Variants in SERPINB12 observed in about 807,000 individuals in gnomAD.
SERPINB12 encodes serpin family B member 12.
Under a neutral mutation model 41.1 loss-of-function variants are expected in SERPINB12, and 57 were observed. That is an observed-to-expected ratio of 1.39 (90% confidence interval 1.12 to 1.73). The LOEUF (loss-of-function observed/expected upper bound fraction) is 1.73. Among genes scored for constraint, SERPINB12 ranks in the 40% most tolerant of loss-of-function variants. SERPINB12 has a pLI of 0.00. For missense variants in SERPINB12, 536 were observed against 501.9 expected, an observed-to-expected ratio of 1.07 and a Z score of -0.65; for synonymous variants, 180 against 181.3, an observed-to-expected ratio of 0.99 and a Z score of 0.06.
chr18:63,521,919 A>C, the SERPINB12 span, among the ~76,000 whole-genome samples: 1 of 152,232 alleles, frequency 6.6e-6, no homozygotes, highest in African/African-American at 2.4e-5. Context: ...GGAGGAAAGT[A>C]AGATAATTCA....
intron 2 of SERPINB12, 95 bp from the exon 3 acceptor site, chr18:63,558,257 A>G: frequency 7.6e-7 from 1 of 1,324,114 alleles, no homozygotes; most frequent in Non-Finnish European, 1.0e-6. Flanking sequence ...TGACTATGTA[A>G]TCATTGCCAT....
At chr18:63,538,438 A>G (rs1170601265), upstream of SERPINB12, among the ~76,000 whole-genome samples, 1 of 152,172 alleles carries the variant, frequency 6.6e-6, no homozygotes, top group Non-Finnish European at 1.5e-5. Flanking sequence ...ATGAGATTGT[A>G]AAATATGTGG....
At chr18:63,565,323 T>A in intron 6 of SERPINB12, 122 bp from the exon 7 acceptor site, 1 of 866,936 alleles carries the variant, frequency 1.2e-6, no homozygotes, top group South Asian at 1.8e-5. Context: ...CTGGTGTGGC[T>A]CAGGACTTCT....
intron 1 of SERPINB12, among the ~76,000 whole-genome samples, chr18:63,547,677 T>A (rs1699445681): frequency 1.3e-5 from 2 of 152,148 alleles, no homozygotes; most frequent in South Asian, 4.1e-4. Flanking sequence ...AACCTTTACA[T>A]TTTTACTATA....
the SERPINB12 span, among the ~76,000 whole-genome samples, chr18:63,524,492 G>A: frequency 6.6e-6 from 1 of 152,152 alleles, no homozygotes; most frequent in Admixed American, 6.5e-5. Flanking sequence ...GTTCCACCAC[G>A]TTGGCCAGGC....
intron 4 of SERPINB12, 98 bp from the exon 5 acceptor site, chr18:63,560,987 A>G: frequency 1.3e-6 from 1 of 770,200 alleles, no homozygotes; most frequent in Non-Finnish European, 2.2e-6. Context: ...GACCAGGCTC[A>G]TCTTTCTTGG....
the SERPINB12 span, among the ~76,000 whole-genome samples, chr18:63,530,575 GT>G: frequency 6.6e-6 from 1 of 152,160 alleles, no homozygotes; most frequent in Non-Finnish European, 1.5e-5. Flanking sequence ...TGAAAGTCAG[GT>G]GGCTGTCCCA....
the SERPINB12 span, among the ~76,000 whole-genome samples, chr18:63,519,754 C>G: frequency 1.3e-5 from 2 of 152,106 alleles, no homozygotes; most frequent in Admixed American, 6.5e-5. Context: ...TTCTAGGAGT[C>G]CTAAAAATTT....
At chr18:63,550,494 A>T (rs901298741) in intron 1 of SERPINB12, among the ~76,000 whole-genome samples, 1 of 152,240 alleles carries the variant, frequency 6.6e-6, no homozygotes, top group Non-Finnish European at 1.5e-5. Context: ...TCTACAATAC[A>T]TTTTAAAATT....
the SERPINB12 span, among the ~76,000 whole-genome samples, chr18:63,535,241 T>C: frequency 0.045 from 6,863 of 152,198 alleles, 515 homozygotes; most frequent in African/African-American, 0.16. Context: ...CAAAATATCT[T>C]CCTCCTTCGT....
At chr18:63,527,198 G>A in the SERPINB12 span, among the ~76,000 whole-genome samples, 1 of 152,274 alleles carries the variant, frequency 6.6e-6, no homozygotes, top group South Asian at 2.1e-4. Flanking sequence ...TGGTTTGCTT[G>A]ACTAGTCAAT....
intron 1 of SERPINB12, among the ~76,000 whole-genome samples, chr18:63,548,254 TA>T (rs1249172292): frequency 6.6e-6 from 1 of 151,862 alleles, no homozygotes; most frequent in Non-Finnish European, 1.5e-5. Flanking sequence ...TCAAACACCA[TA>T]AAAATGGAAA....
chr18:63,551,692 A>C (rs144643592), intron 1 of SERPINB12, among the ~76,000 whole-genome samples: 86 of 152,346 alleles, frequency 5.6e-4, no homozygotes, highest in African/African-American at 2.1e-3. Context: ...TATTTTAAAA[A>C]AATTCTTAAG....
At chr18:63,539,686 T>A (rs1910237791), upstream of SERPINB12, among the ~76,000 whole-genome samples, 1 of 151,890 alleles carries the variant, frequency 6.6e-6, no homozygotes, top group African/African-American at 2.4e-5. Flanking sequence ...CATGGTGGGG[T>A]TTGTCTAAAA....
At position 63,567,749 on chromosome 18, in the gene SERPINB12, C is replaced by CT. The variant is rs1223624889; in HGVS notation, c.*738_*739insT. 6.6e-6 allele frequency among the ~76,000 whole-genome samples: 1 copy of CT among 152,238 alleles called. No homozygotes were observed. The highest frequency in any genetic ancestry group is 2.4e-5 in the African/African-American group (1 of 41,466). On this transcript the variant is annotated 3_prime_UTR_variant, in exon 8 of 8. Coordinates refer to ENST00000382768, the MANE Select transcript of SERPINB12 (RefSeq NM_001307928.2). Reference sequence around the variant, plus strand: ...CAGTTTTCCTTATTGAGTCCCCCAACATTATCATCAAACACTTCCCTCTGT... The same window carrying CT: ...CAGTTTTCCTTATTGAGTCCCCCAACTATTATCATCAAACACTTCCCTCTGT...
chr18:63,546,052 G>T (rs1910380073), intron 1 of SERPINB12, among the ~76,000 whole-genome samples: 1 of 152,082 alleles, frequency 6.6e-6, no homozygotes, highest in African/African-American at 2.4e-5. Context: ...AGCTACATAA[G>T]TAGTTTATAT....
the SERPINB12 span, among the ~76,000 whole-genome samples, chr18:63,520,918 A>G: frequency 6.6e-6 from 1 of 152,274 alleles, no homozygotes; most frequent in South Asian, 2.1e-4. Context: ...GAATATGTGC[A>G]TCATAGTAAA....
the SERPINB12 span, among the ~76,000 whole-genome samples, chr18:63,529,226 C>T: frequency 6.6e-6 from 1 of 152,126 alleles, no homozygotes; most frequent in Non-Finnish European, 1.5e-5. Context: ...TTTTTGAAGG[C>T]AAAACAAGGA....
chr18:63,567,649 A>T lies in SERPINB12; in HGVS notation c.*638A>T, dbSNP rs748042017. 8.5e-5 allele frequency among the ~76,000 whole-genome samples: 13 copies of T among 152,212 alleles called. No individual in the cohort carries two copies. Among genetic ancestry groups the T allele is most frequent in the Non-Finnish European group, 1.5e-4 (10 of 68,028 alleles). ...AACCAGCACTCATTTTGCACAGAGC[A>T]GGGGAATGATATTTGTCTTGTGATT... On this transcript the variant is annotated 3_prime_UTR_variant, in exon 8 of 8. Transcript: ENST00000382768.
Sources: allele counts gnomAD v4.1 joint callset (sites outside exome capture counted in the v4.1 genomes callset), GRCh38; gene constraint gnomAD v4.1.1; transcripts MANE v1.5; gene names NCBI Gene and HGNC (gene_info 2026-07-23, HGNC 2026-07-21).